The following PLXNA4 variants were observed in gnomAD, a reference collection of about 807,000 sequenced individuals.
The protein encoded by PLXNA4 is plexin A4, also known as plexin-A4.
In PLXNA4, 44 loss-of-function variants were observed where a neutral mutation model predicts 191.8. The ratio of observed to expected loss-of-function variants is 0.23; its 90% CI spans 0.18 to 0.29. PLXNA4 has a LOEUF of 0.29. Among genes scored for constraint, PLXNA4 ranks in the 10% least tolerant of loss-of-function variants. The pLI, the probability that PLXNA4 is intolerant of heterozygous loss-of-function variation, is 1.00. For missense variants in PLXNA4, 1,800 were observed against 2,488.8 expected, an observed-to-expected ratio of 0.72 and a Z score of 5.89; for synonymous variants, 1,082 against 1,009.5, an observed-to-expected ratio of 1.07 and a Z score of -1.36.
In PLXNA4 at chr7:132,168,371, G is replaced by C. The variant is rs1482088611; in HGVS notation, c.4219C>G (p.Gln1407Glu). The change falls in exon 22 of 32, where the codon CAG (glutamine) becomes GAG (glutamate). Residue 1407 changes from glutamine to glutamate, a missense_variant. Physicochemically the swap from Gln to Glu is conservative, Grantham distance 29. Around this residue, in one of 6 missense-constraint regions of PLXNA4, gnomAD observed 1,397 missense variants for 1,880.4 expected, o/e 0.74. Coordinates refer to ENST00000321063, the MANE Select transcript of PLXNA4 (RefSeq NM_020911.2). ...KLEYATDVLK[Q>E]LLADLIDKNL... ...TTGTCAATGAGGTCGGCCAGCAGCTGCTTCAGCACATCAGTGGCGTACTCC... is the reference window on the plus strand; with the variant it reads ...TTGTCAATGAGGTCGGCCAGCAGCTCCTTCAGCACATCAGTGGCGTACTCC... The C allele has an allele frequency of 1.9e-6, 3 of 1,610,400 alleles. No individual in the cohort carries two copies.
Position 132,393,552 on chromosome 7 carries a change from T to C in PLXNA4, c.1372-95330A>G, listed in dbSNP as rs186686385. 2.0e-5 allele frequency among the ~76,000 whole-genome samples: 3 copies of C among 152,314 alleles called. No individual in the cohort carries two copies. The East Asian group carries it at 5.8e-4, about 29-fold the overall frequency. On this transcript the variant is annotated intron_variant, in intron 3 of 31. Transcript: ENST00000321063. ...CTTTTGTTAGCTAAACATTCATTCA[T>C]TCATTCATCTGAGAAATATTTAGTA... is the stretch of plus-strand genomic sequence containing the variant.
intron 3 of PLXNA4, among the ~76,000 whole-genome samples, chr7:132,420,801 T>G (rs556042331): frequency 1.3e-5 from 2 of 152,232 alleles, no homozygotes; most frequent in African/African-American, 4.8e-5. Context: ...AGTGAATGAG[T>G]CTCACGAGAT....
intron 2 of PLXNA4, among the ~76,000 whole-genome samples, chr7:132,499,758 C>T (rs947891280): frequency 6.6e-6 from 1 of 152,164 alleles, no homozygotes; most frequent in Non-Finnish European, 1.5e-5. Context: ...AATGTATCTT[C>T]CTCTCTTGCT....
At chr7:132,596,819 C>T (rs1411448473) in intron 2 of PLXNA4, among the ~76,000 whole-genome samples, 1 of 146,076 alleles carries the variant, frequency 6.8e-6, no homozygotes, top group Non-Finnish European at 1.5e-5. Flanking sequence ...TAAATCATCT[C>T]ATTACATCTA....
intron 16 of PLXNA4, 40 bp from the exon 17 acceptor site, chr7:132,182,230 T>G (rs769781923): frequency 6.2e-7 from 1 of 1,609,816 alleles, no homozygotes; most frequent in South Asian, 1.1e-5. Flanking sequence ...AATGATAAGT[T>G]CAGGAAGAGC....
intron 1 of PLXNA4, among the ~76,000 whole-genome samples, chr7:132,562,053 C>CCCTCCTCCTTCT (rs1801169273): frequency 1.5e-5 from 1 of 67,468 alleles, no homozygotes; most frequent in African/African-American, 6.9e-5. Context: ...CTCCTCCTCT[C>CCCTCCTCCTTCT]CCTCCTCCTT....
chr7:132,144,078 GA>G (rs1319121274), intron 29 of PLXNA4, among the ~76,000 whole-genome samples: 1 of 152,206 alleles, frequency 6.6e-6, no homozygotes, highest in East Asian at 1.9e-4. Context: ...GTGCTTCGCT[GA>G]GCCCTAATGC....
chr7:132,622,188 G>C (rs1310501483), intron 2 of PLXNA4, among the ~76,000 whole-genome samples: 1 of 152,054 alleles, frequency 6.6e-6, no homozygotes, highest in Admixed American at 6.6e-5. Flanking sequence ...TCCACTGGCT[G>C]GATATAAACA....
Position 132,508,391 on chromosome 7 carries a change from G to A in PLXNA4, c.303C>T (p.Val101=), listed in dbSNP as rs753681070. ...TGGTCAGGGGCTCATTGCAGGTCTGGACGATGCGGGGTGGGTAACACTTGG... is the reference window on the plus strand; with the variant it reads ...TGGTCAGGGGCTCATTGCAGGTCTGAACGATGCGGGGTGGGTAACACTTGG... ...DNPKCYPPRI[V]QTCNEPLTTT... The change falls in exon 2 of 32, where the codon GTC becomes GTT. Residue 101 remains valine (V), a synonymous_variant. Transcript: ENST00000321063. The surrounding 1 kb of genome is among the most constrained non-coding windows in gnomAD (Gnocchi z 4.4). 1.9e-6 allele frequency: 3 copies of A among 1,614,210 alleles called. No homozygotes were observed. The highest frequency in any genetic ancestry group is 1.7e-6 in the Non-Finnish European group (2 of 1,180,044).
intron 1 of PLXNA4, among the ~76,000 whole-genome samples, chr7:132,553,529 G>A (rs902726112): frequency 1.3e-5 from 2 of 152,066 alleles, no homozygotes; most frequent in Non-Finnish European, 2.9e-5. Flanking sequence ...CCTAGAGAAT[G>A]GCCACACATA....
chr7:132,354,184 TGC>T (rs1491349752), intron 3 of PLXNA4, among the ~76,000 whole-genome samples: 10 of 150,810 alleles, frequency 6.6e-5, no homozygotes, highest in African/African-American at 1.2e-4. Flanking sequence ...CAACAGTGTG[TGC>T]GTGTGTGTGT....
chr7:132,439,468 G>A (rs1027211135), intron 3 of PLXNA4, among the ~76,000 whole-genome samples: 1 of 148,868 alleles, frequency 6.7e-6, no homozygotes, highest in Non-Finnish European at 1.5e-5. Flanking sequence ...ACATACATGT[G>A]CATGCATATA....
At chr7:132,290,089 C>G (rs538427098) in intron 4 of PLXNA4, among the ~76,000 whole-genome samples, 3 of 152,238 alleles carry the variant, frequency 2.0e-5, no homozygotes, top group Admixed American at 6.5e-5. Flanking sequence ...ATAGCAAGGA[C>G]TTGAGCACCG....
chr7:132,381,003 C>T (rs1053160042), intron 3 of PLXNA4, among the ~76,000 whole-genome samples: 3 of 152,242 alleles, frequency 2.0e-5, no homozygotes, highest in East Asian at 3.8e-4. Flanking sequence ...TAGAGACTCA[C>T]GTTTCTGAAA....
intron 2 of PLXNA4, among the ~76,000 whole-genome samples, chr7:132,599,908 T>A (rs2116838716): frequency 6.6e-6 from 1 of 152,322 alleles, no homozygotes; most frequent in Non-Finnish European, 1.5e-5. Context: ...TTGAACTTTA[T>A]CATGTATTTC....
chr7:132,144,732 G>T (rs35337921), intron 29 of PLXNA4, among the ~76,000 whole-genome samples: 1 of 152,004 alleles, frequency 6.6e-6, no homozygotes, highest in African/African-American at 2.4e-5. Context: ...GTTCATTGAG[G>T]GCAGGGGCCA....
intron 20 of PLXNA4, among the ~76,000 whole-genome samples, chr7:132,176,688 A>G (rs1796475026): frequency 1.3e-5 from 2 of 151,212 alleles, no homozygotes; most frequent in Admixed American, 1.3e-4. Flanking sequence ...GCATGTGTGA[A>G]TGTGAGTGCA....
intron 3 of PLXNA4, among the ~76,000 whole-genome samples, chr7:132,420,279 C>A (rs975854201): frequency 1.3e-5 from 2 of 152,240 alleles, no homozygotes; most frequent in African/African-American, 4.8e-5. Flanking sequence ...ACGTTTCTCA[C>A]TCTGCCTTGA....
At chr7:132,261,197 C>T (rs1799628967) in intron 4 of PLXNA4, among the ~76,000 whole-genome samples, 1 of 152,166 alleles carries the variant, frequency 6.6e-6, no homozygotes. Context: ...GCAGAACTGC[C>T]ACCAGTACTG....
Sources: allele counts gnomAD v4.1 joint callset (sites outside exome capture counted in the v4.1 genomes callset), GRCh38; gene constraint gnomAD v4.1.1; regional missense constraint gnomAD v4.1.1; non-coding constraint Gnocchi (gnomAD v3.1); transcripts MANE v1.5; gene names NCBI Gene and HGNC (gene_info 2026-07-23, HGNC 2026-07-21).